SERPINB8: variants seen among roughly 807,000 people sequenced by gnomAD.
SERPINB8 encodes serpin B8.
SERPINB8 carries 25 observed loss-of-function variants against 35.3 expected under a neutral mutation model. That is an observed-to-expected ratio of 0.71 (90% CI 0.52 to 0.99). SERPINB8 has a LOEUF of 0.99. Among genes scored for constraint, SERPINB8 ranks in the 50% least tolerant of loss-of-function variants. The pLI, the probability that SERPINB8 is intolerant of heterozygous loss-of-function variation, is 0.00. For synonymous variants in SERPINB8, 186 were observed against 160.8 expected (o/e 1.16, Z -1.19); for missense variants, 484 against 446.5 (o/e 1.08, Z -0.76).
chr18:63,999,940 G>A (rs1451441531), intron 1 of SERPINB8, among the ~76,000 whole-genome samples: 1 of 152,096 alleles, frequency 6.6e-6, no homozygotes, highest in Non-Finnish European at 1.5e-5. Flanking sequence ...AAAAGGTTGT[G>A]CACCTGTCTC....
At chr18:64,011,334 TA>T (rs759145927) in intron 7 of SERPINB8, among the ~76,000 whole-genome samples, 8 of 151,996 alleles carry the variant, frequency 5.3e-5, no homozygotes, top group Non-Finnish European at 8.8e-5. Flanking sequence ...ATGAAATAAA[TA>T]AAAAAGCAGA....
Position 63,996,768 on chromosome 18 carries a change from G to T in SERPINB8, c.71-8051G>T, listed in dbSNP as rs529885266. Reference sequence around the variant, plus strand: ...AAGTGAATTTCCTGGTTGTAATCTGGGCAAGTGGCACAACATCTCGTTTAG... The same window carrying T: ...AAGTGAATTTCCTGGTTGTAATCTGTGCAAGTGGCACAACATCTCGTTTAG... On this transcript the variant is annotated intron_variant, in intron 1 of 1. Coordinates refer to the SERPINB8 transcript ENST00000493661. 8.5e-5 allele frequency among the ~76,000 whole-genome samples: 13 copies of T among 152,320 alleles called. No homozygotes were observed. In the South Asian group the frequency reaches 2.7e-3, roughly 32 times the overall value.
intron 7 of SERPINB8, among the ~76,000 whole-genome samples, chr18:64,015,459 G>A (rs147185002): frequency 2.0e-5 from 3 of 152,262 alleles, no homozygotes; most frequent in East Asian, 3.9e-4. Flanking sequence ...CCAGCTTGAC[G>A]TTCCTAACAA....
chr18:64,017,150 T>C (rs1019484243), intron 7 of SERPINB8, among the ~76,000 whole-genome samples: 1 of 152,150 alleles, frequency 6.6e-6, no homozygotes, highest in East Asian at 1.9e-4. Context: ...ACAAAGTAAA[T>C]ACAGTTATAT....
downstream of SERPINB8, among the ~76,000 whole-genome samples, chr18:63,994,337 T>C (rs200674025): frequency 3.9e-4 from 59 of 149,838 alleles, no homozygotes; most frequent in Admixed American, 6.0e-4. Context: ...CCCTCTCTCT[T>C]TCTCTCTCTC....
chr18:64,019,086 T>C (rs1309560197), exon 8 of SERPINB8: 3 of 152,234 alleles, frequency 2.0e-5, no homozygotes, highest in Non-Finnish European at 4.4e-5. Context: ...GTCCTTCAGA[T>C]GTCTGCAGGC....
chr18:63,981,491 C>T lies in SERPINB8; in HGVS notation c.307-230C>T, dbSNP rs79902145. Among the ~76,000 whole-genome samples, 4,102 of 152,244 alleles carry T rather than the reference C, an allele frequency of 0.027. 179 individuals carry two copies. Among genetic ancestry groups the T allele is most frequent in the African/African-American group, 0.093 (3,878 of 41,522 alleles). ...TGATGTCCTGTAAGTGTCTGGGTGT[C>T]TCAGCTGCCTCTTCTCAGGCTGTGG... On this transcript the variant is annotated intron_variant, in intron 3 of 6. Transcript: ENST00000397985.
chr18:63,986,807 T>C (rs2050761805), intron 6 of SERPINB8, 67 bp from the exon 7 acceptor site: 2 of 1,461,542 alleles, frequency 1.4e-6, no homozygotes, highest in African/African-American at 2.8e-5. Flanking sequence ...GGAGGGGTAA[T>C]AAATGGGTGT....
chr18:63,970,737 C>T (rs1186016034), intron 1 of SERPINB8, among the ~76,000 whole-genome samples: 1 of 152,168 alleles, frequency 6.6e-6, no homozygotes, highest in Non-Finnish European at 1.5e-5. Context: ...CCCAAGCTTG[C>T]CCCTGTGCTT....
At chr18:64,015,268 C>G (rs2050944575) in intron 7 of SERPINB8, among the ~76,000 whole-genome samples, 1 of 152,094 alleles carries the variant, frequency 6.6e-6, no homozygotes, top group African/African-American at 2.4e-5. Context: ...AGTAACCGGG[C>G]AAGGGTGGAT....
intron 7 of SERPINB8, among the ~76,000 whole-genome samples, chr18:64,014,230 C>G (rs7234360): frequency 0.59 from 90,094 of 151,966 alleles, 27,012 homozygotes; most frequent in East Asian, 0.69. Context: ...CATAGGTTCT[C>G]ATGTTGGACA....
At chr18:63,995,191 C>T (rs1172942208) in intron 1 of SERPINB8, among the ~76,000 whole-genome samples, 1 of 152,166 alleles carries the variant, frequency 6.6e-6, no homozygotes, top group Non-Finnish European at 1.5e-5. Context: ...CTCCCAGTGA[C>T]TCTGGAGATG....
chr18:64,003,523 G>A (rs975551331), intron 1 of SERPINB8, among the ~76,000 whole-genome samples: 67 of 27,296 alleles, frequency 2.5e-3, no homozygotes, highest in Non-Finnish European at 4.9e-3. Context: ...GGACAAATGT[G>A]TGTGTGTGTG....
rs186292888 is a variant in SERPINB8 at position 63,984,225 on chromosome 18, T to A, written c.567+504T>A. Among the ~76,000 whole-genome samples, 6 of 152,350 alleles carry A rather than the reference T, an allele frequency of 3.9e-5. No homozygotes were observed. In the East Asian group the frequency reaches 9.6e-4, roughly 24 times the overall value. On this transcript the variant is annotated intron_variant, in intron 5 of 6. Coordinates refer to ENST00000397985, the MANE Select transcript of SERPINB8 (RefSeq NM_002640.4). Reference sequence around the variant, plus strand: ...AGAGAAACAAAAATAATTTTGGTATTGATAGTTTTGTTTTTCCATCTTTGA... The same window carrying A: ...AGAGAAACAAAAATAATTTTGGTATAGATAGTTTTGTTTTTCCATCTTTGA...
rs757667727 is a variant in SERPINB8, at chr18:63,970,139, G to GGCGGCGGCGGCGGCGGCA, written c.-31_-30insGGCGGCAGCGGCGGCGGC. 5,005 of 365,874 alleles carry GGCGGCGGCGGCGGCGGCA rather than the reference G, an allele frequency of 0.014. 641 individuals are homozygous for GGCGGCGGCGGCGGCGGCA. The highest frequency in any genetic ancestry group is 0.02 in the Non-Finnish European group (3,640 of 185,646). The allele number at this position is 365,874 out of a possible 1,614,324, so 22.7% of individuals were successfully genotyped here. ...GAATAGTCAAAGCAGCAGCGGCGGC[G>GGCGGCGGCGGCGGCGGCA]GCGGCGGCGGCAGCAGCAGCAGCAG... On this transcript the variant is annotated 5_prime_UTR_variant, in exon 1 of 7. Transcript: ENST00000397985.
intron 1 of SERPINB8, among the ~76,000 whole-genome samples, chr18:63,971,476 C>G (rs1405940341): frequency 1.3e-5 from 2 of 152,194 alleles, no homozygotes; most frequent in Non-Finnish European, 2.9e-5. Context: ...AGCCTGACTC[C>G]TCATTTAAAA....
At chr18:63,980,408 A>G (rs192739450) in intron 3 of SERPINB8, among the ~76,000 whole-genome samples, 33 of 152,360 alleles carry the variant, frequency 2.2e-4, no homozygotes, top group Admixed American at 1.8e-3. Context: ...TATTTACTTC[A>G]GCATATAATT....
intron 1 of SERPINB8, among the ~76,000 whole-genome samples, chr18:63,977,960 G>A (rs1294574181): frequency 1.3e-5 from 2 of 152,066 alleles, no homozygotes; most frequent in African/African-American, 2.4e-5. Context: ...CTTCATCAGT[G>A]GCCCCTATCC....
In SERPINB8 at chr18:63,985,105, G is replaced by A. The variant is rs769726310; in HGVS notation, c.580G>A (p.Val194Met). 6.2e-7 allele frequency: 1 copy of A among 1,614,116 alleles called. No individual in the cohort carries two copies. The highest frequency in any genetic ancestry group is 1.1e-5 in the South Asian group (1 of 91,076). ...LFKTNEEKKT[V>M]QMMFKEAKFK... ...ATTTTTCCGTTAGGAAAAAAAGACA[G>A]TGCAGATGATGTTTAAGGAAGCTAA... The change falls in exon 6 of 7, where the codon GTG (valine) becomes ATG (methionine). Residue 194 changes from valine (V) to methionine (M), a missense_variant. Physicochemically the swap from Val to Met is conservative, Grantham distance 21 (BLOSUM62 1). Transcript: ENST00000397985.
Sources: allele counts gnomAD v4.1 joint callset (sites outside exome capture counted in the v4.1 genomes callset), GRCh38; gene constraint gnomAD v4.1.1; transcripts MANE v1.5; gene names NCBI Gene and HGNC (gene_info 2026-07-23, HGNC 2026-07-21).